The following PTAR1 variants were observed in gnomAD, a reference collection of about 807,000 sequenced individuals.
PTAR1 encodes the protein protein prenyltransferase alpha subunit repeat-containing protein 1.
In PTAR1, 17 loss-of-function variants were observed where a neutral mutation model predicts 45.5. The ratio of observed to expected loss-of-function variants is 0.37; its 90% CI spans 0.26 to 0.56. PTAR1 has a LOEUF of 0.56. Among genes scored for constraint, PTAR1 ranks in the 20% least tolerant of loss-of-function variants. PTAR1 has a pLI of 0.77. For synonymous variants in PTAR1, 169 were observed against 171.3 expected (o/e 0.99, Z 0.11); for missense variants, 391 against 476.3 (o/e 0.82, Z 1.67).
chr9:69,731,594 G>A (rs1014917847), intron 5 of PTAR1, among the ~76,000 whole-genome samples: 2 of 152,260 alleles, frequency 1.3e-5, no homozygotes, highest in African/African-American at 4.8e-5. Flanking sequence ...ATAACCCTGA[G>A]TCAGTGGAAA....
Position 69,726,232 on chromosome 9 carries a change from GT to G in PTAR1, c.643-2603del, listed in dbSNP as rs201058892. Among the ~76,000 whole-genome samples, 1,369 of 152,038 alleles carry G rather than the reference GT, an allele frequency of 9.0e-3. 18 individuals are homozygous for G. The highest frequency in any genetic ancestry group is 0.03 in the African/African-American group (1,244 of 41,516). ...TTCTGGCAGAAAACAAATCTTTCAGGTTTTTTTCTATGTATGCACATGCACA... is the reference window on the plus strand; with the variant it reads ...TTCTGGCAGAAAACAAATCTTTCAGGTTTTTTCTATGTATGCACATGCACA... On this transcript the variant is annotated intron_variant, in intron 5 of 7. Coordinates refer to ENST00000340434, the MANE Select transcript of PTAR1 (RefSeq NM_001099666.2).
Position 69,750,562 on chromosome 9 carries a change from A to T in PTAR1, c.256+219T>A, listed in dbSNP as rs761143824. Among the ~76,000 whole-genome samples, 50 of 151,714 alleles carry T rather than the reference A, an allele frequency of 3.3e-4. 1 individual carries two copies. The highest frequency in any genetic ancestry group is 3.4e-3 in the Middle Eastern group (1 of 292). ...TGCTCTGGTTACAGGAGGTGCCCTG[A>T]AATTCTGCTTGAGGGCTTCTATATA... is the stretch of plus-strand genomic sequence containing the variant. On this transcript the variant is annotated intron_variant, in intron 2 of 7. Transcript: ENST00000340434.
Position 69,723,544 on chromosome 9 carries a change from C to G in PTAR1, c.729G>C (p.Leu243Phe), listed in dbSNP as rs1441056370. The change falls in exon 6 of 8, where the codon TTG (leucine) becomes TTC (phenylalanine). Residue 243 changes from leucine (L) to phenylalanine (F), a missense_variant. Leu to Phe is a conservative substitution (Grantham distance 22). Transcript: ENST00000340434. Reference sequence around the variant, plus strand: ...CAGTTTGGCTAATCAAAGACTTAAGCAAAAACTGGCGGTAGTGAAATCCAC... The same window carrying G: ...CAGTTTGGCTAATCAAAGACTTAAGGAAAAACTGGCGGTAGTGAAATCCAC... ...DHSGFHYRQF[L>F]LKSLISQTVI... 1 of 1,613,786 alleles carries G rather than the reference C, an allele frequency of 6.2e-7. No individual in the cohort carries two copies. The highest frequency in any genetic ancestry group is 8.5e-7 in the Non-Finnish European group (1 of 1,179,772).
rs1481652145 is a variant in PTAR1, at chr9:69,712,007, C to T, written c.*6335G>A. On this transcript the variant is annotated 3_prime_UTR_variant, in exon 8 of 8. Coordinates refer to ENST00000340434, the MANE Select transcript of PTAR1 (RefSeq NM_001099666.2). Reference sequence around the variant, plus strand: ...TTAACTAATAAGAAAAAAATACCTGCTCCAAATGCAAGATGATATTTGTAA... The same window carrying T: ...TTAACTAATAAGAAAAAAATACCTGTTCCAAATGCAAGATGATATTTGTAA... The T allele has an allele frequency of 1.3e-5, 2 of 152,036 alleles. No individual in the cohort carries two copies. The highest frequency in any genetic ancestry group is 4.8e-5 in the African/African-American group (2 of 41,410). The allele number at this position is 152,036 out of a possible 1,614,324, so 9.4% of individuals were successfully genotyped here. A position where few individuals can be genotyped will look rare whatever the true frequency, so the allele number is the denominator to read the frequency against.
chr9:69,711,348 G>A lies in PTAR1; in HGVS notation c.*6994C>T, dbSNP rs1824516179. On this transcript the variant is annotated 3_prime_UTR_variant, in exon 8 of 8. Coordinates refer to ENST00000340434, the MANE Select transcript of PTAR1 (RefSeq NM_001099666.2). Reference sequence around the variant, plus strand: ...TGTTCCTCACAGTTCAGGTAGGAATGTTTATTTGTGTTTTATAAAACTGTT... The same window carrying A: ...TGTTCCTCACAGTTCAGGTAGGAATATTTATTTGTGTTTTATAAAACTGTT... 6.6e-6 allele frequency: 1 copy of A among 152,134 alleles called. No homozygotes were observed. The highest frequency in any genetic ancestry group is 1.5e-5 in the Non-Finnish European group (1 of 68,022). 9.4% of individuals were successfully genotyped at this position (152,134 alleles called of 1,614,324 possible).
intron 5 of PTAR1, among the ~76,000 whole-genome samples, chr9:69,729,877 T>C (rs898483244): frequency 6.6e-6 from 1 of 152,234 alleles, no homozygotes; most frequent in Non-Finnish European, 1.5e-5. Flanking sequence ...AGTGCTGCCA[T>C]GTTGCCCTTC....
chr9:69,732,555 G>A lies in PTAR1; in HGVS notation c.429-203C>T, dbSNP rs190405885. On this transcript the variant is annotated intron_variant, in intron 4 of 7. Coordinates refer to ENST00000340434, the MANE Select transcript of PTAR1 (RefSeq NM_001099666.2). ...TAATTTAGCAGTATGGATGAAGGGT[G>A]GAAAATGGATAAACAGGAAAAAAAA... is the stretch of plus-strand genomic sequence containing the variant. 3.4e-4 allele frequency among the ~76,000 whole-genome samples: 52 copies of A among 151,888 alleles called. 1 individual carries two copies. In the East Asian group the frequency reaches 9.5e-3, roughly 28 times the overall value.
chr9:69,715,898 C>G lies in PTAR1; in HGVS notation c.*2444G>C, dbSNP rs1391510174. On this transcript the variant is annotated 3_prime_UTR_variant, in exon 8 of 8. Coordinates refer to ENST00000340434, the MANE Select transcript of PTAR1 (RefSeq NM_001099666.2). ...CTTTGGGTATTTGCATTTTTGCTCT[C>G]TACTTTAAACTTTTAGGAAGGAAAC... is the stretch of plus-strand genomic sequence containing the variant. The G allele has an allele frequency of 1.3e-5, 2 of 152,086 alleles. No homozygotes were observed. Among genetic ancestry groups the G allele is most frequent in the Non-Finnish European group, 2.9e-5 (2 of 67,994 alleles). 9.4% of individuals were successfully genotyped at this position (152,086 alleles called of 1,614,324 possible). A position where few individuals can be genotyped will look rare whatever the true frequency, so the allele number is the denominator to read the frequency against.
At chr9:69,743,134 T>C (rs1253935247) in intron 2 of PTAR1, among the ~76,000 whole-genome samples, 2 of 152,284 alleles carry the variant, frequency 1.3e-5, no homozygotes, top group East Asian at 1.9e-4. Context: ...CAGTAAGCAC[T>C]TTATTTTATA....
At chr9:69,740,460 T>C (rs956507800) in intron 3 of PTAR1, among the ~76,000 whole-genome samples, 1 of 151,942 alleles carries the variant, frequency 6.6e-6, no homozygotes, top group Non-Finnish European at 1.5e-5. Context: ...GCTAGGCTAG[T>C]GAGAATTTTT....
Position 69,718,396 on chromosome 9 carries a change from C to T in PTAR1, c.1155G>A (p.Glu385=), listed in dbSNP as rs776966755. 1.9e-6 allele frequency: 3 copies of T among 1,613,216 alleles called. No individual in the cohort carries two copies. Among genetic ancestry groups the T allele is most frequent in the South Asian group, 1.1e-5 (1 of 91,012 alleles). ...DQVLSTCRNV[E]QARFASAYRK... is the part of the protein sequence containing the mutation. ...TGTATGCACTGGCAAACCTGGCTTG[C>T]TCCACGTTCCGACAGGTGGACAATA... is the stretch of plus-strand genomic sequence containing the variant. The change falls in exon 8 of 8, where the codon GAG becomes GAA. Residue 385 remains glutamate (E), a synonymous_variant. Coordinates refer to ENST00000340434, the MANE Select transcript of PTAR1 (RefSeq NM_001099666.2).
intron 4 of PTAR1, among the ~76,000 whole-genome samples, chr9:69,733,642 A>G (rs1588460770): frequency 6.6e-6 from 1 of 152,190 alleles, no homozygotes; most frequent in East Asian, 1.9e-4. Context: ...AGCTCAGCCT[A>G]CACAGCATTC....
At chr9:69,724,390 T>C (rs1298872986) in intron 5 of PTAR1, among the ~76,000 whole-genome samples, 1 of 152,216 alleles carries the variant, frequency 6.6e-6, no homozygotes, top group African/African-American at 2.4e-5. Context: ...ATAATTTATT[T>C]GAGAGTGTCT....
intron 5 of PTAR1, among the ~76,000 whole-genome samples, chr9:69,729,248 A>G (rs1825425190): frequency 6.6e-6 from 1 of 152,166 alleles, no homozygotes; most frequent in South Asian, 2.1e-4. Flanking sequence ...TGAACCTGGG[A>G]AGCGGAGGTT....
chr9:69,751,252 T>C (rs548614708), intron 1 of PTAR1, among the ~76,000 whole-genome samples: 9 of 152,158 alleles, frequency 5.9e-5, no homozygotes, highest in African/African-American at 2.2e-4. Context: ...GCTCAGAAAT[T>C]ATCCTATGCC....
intron 4 of PTAR1, 26 bp from the exon 5 acceptor site, chr9:69,732,378 G>C (rs1396871297): frequency 6.6e-7 from 1 of 1,505,180 alleles, no homozygotes; most frequent in African/African-American, 1.4e-5. Flanking sequence ...GTGGGAAAGA[G>C]AACACAGAAA....
Position 69,750,906 on chromosome 9 carries a change from C to T in PTAR1, c.131G>A (p.Arg44Gln). The T allele has an allele frequency of 1.2e-6, 2 of 1,608,090 alleles. No individual in the cohort carries two copies. Among genetic ancestry groups the T allele is most frequent in the Non-Finnish European group, 1.7e-6 (2 of 1,176,884 alleles). ...GTTTTCAACCAGGACTATGGGACTCCGGTTATACCTAGCTTCAGGACATGG... is the reference window on the plus strand; with the variant it reads ...GTTTTCAACCAGGACTATGGGACTCTGGTTATACCTAGCTTCAGGACATGG... ...LIPCPEARYN[R>Q]SPIVLVENKL... The change falls in exon 2 of 8, where the codon CGG (arginine) becomes CAG (glutamine). Residue 44 changes from arginine (R) to glutamine (Q), a missense_variant. This residue lies in a region of PTAR1 where 152 missense variants were observed against 160.0 expected (regional missense o/e 0.95). Coordinates refer to ENST00000340434, the MANE Select transcript of PTAR1 (RefSeq NM_001099666.2).
At chr9:69,721,241 T>C (rs1007540946) in intron 6 of PTAR1, among the ~76,000 whole-genome samples, 6 of 152,102 alleles carry the variant, frequency 3.9e-5, no homozygotes, top group African/African-American at 1.4e-4. Context: ...ATGGATGACT[T>C]TGAGGAGTTC....
In PTAR1 at chr9:69,712,367, A is replaced by G. The variant is rs1824554588; in HGVS notation, c.*5975T>C. The G allele has an allele frequency of 6.6e-6, 1 of 152,210 alleles. No homozygotes were observed. Among genetic ancestry groups the G allele is most frequent in the Non-Finnish European group, 1.5e-5 (1 of 68,028 alleles). The allele number at this position is 152,210 out of a possible 1,614,324, so 9.4% of individuals were successfully genotyped here. On this transcript the variant is annotated 3_prime_UTR_variant, in exon 8 of 8. Coordinates refer to ENST00000340434, the MANE Select transcript of PTAR1 (RefSeq NM_001099666.2). ...CTTTGCTGGAAGGTGTTGGTCTAAT[A>G]AAGAAAACTGCTTTAAGTAGGAGCA...
Sources: allele counts gnomAD v4.1 joint callset (sites outside exome capture counted in the v4.1 genomes callset), GRCh38; gene constraint gnomAD v4.1.1; regional missense constraint gnomAD v4.1.1; transcripts MANE v1.5; gene names NCBI Gene and HGNC (gene_info 2026-07-23, HGNC 2026-07-21).